SLC15A5: variants seen among roughly 807,000 people sequenced by gnomAD.
The protein encoded by SLC15A5 is Peptide/histidine transporter ENSP00000340402.
In SLC15A5, 58 loss-of-function variants were observed where a neutral mutation model predicts 56.1. That is an observed-to-expected ratio of 1.03 (90% CI 0.84 to 1.29). SLC15A5 has a LOEUF of 1.29. SLC15A5 is among the 50% of genes most tolerant of loss of function. The pLI, the probability that SLC15A5 is intolerant of heterozygous loss-of-function variation, is 0.00. For missense variants in SLC15A5, 681 were observed against 672.1 expected (o/e 1.01, Z -0.15); for synonymous variants, 264 against 250.5 (o/e 1.05, Z -0.51).
intron 2 of SLC15A5, among the ~76,000 whole-genome samples, chr12:16,258,994 T>TTC (rs1464961408): frequency 6.2e-5 from 9 of 145,498 alleles, no homozygotes; most frequent in Middle Eastern, 7.1e-3. Flanking sequence ...CTTTTTCTTT[T>TTC]TTTTTTTTTC....
intron 6 of SLC15A5, among the ~76,000 whole-genome samples, chr12:16,219,567 A>G (rs1291660769): frequency 6.6e-6 from 1 of 152,152 alleles, no homozygotes; most frequent in African/African-American, 2.4e-5. Context: ...CTGGTACGGT[A>G]TATAATTCAT....
chr12:16,229,647 T>TACACACACACACACACACACACAC (rs71438372), intron 5 of SLC15A5, among the ~76,000 whole-genome samples: 1 of 144,288 alleles, frequency 6.9e-6, no homozygotes, highest in Non-Finnish European at 1.5e-5. Flanking sequence ...CACACACACA[T>TACACACACACACACACACACACAC]ACACACACAC....
At position 16,259,024 on chromosome 12, in the gene SLC15A5, C is replaced by CTTTTT. The variant is rs5796661; in HGVS notation, c.585-1159_585-1155dup. Among the ~76,000 whole-genome samples the CTTTTT allele has an allele frequency of 1.3e-3, 84 of 63,230 alleles. 3 individuals carry two copies. The highest frequency in any genetic ancestry group is 5.6e-3 in the East Asian group (10 of 1,772). 41.5% of individuals were successfully genotyped at this position (63,230 alleles called of 152,430 possible). On this transcript the variant is annotated intron_variant, in intron 2 of 8. Coordinates refer to ENST00000344941, the MANE Select transcript of SLC15A5 (RefSeq NM_001170798.1). ...TTTTTCTTTTTCTTTTCTTTCTTTC[C>CTTTTT]TTTTTTTTTTTTTTTTTTTTTTTTT... is the stretch of plus-strand genomic sequence containing the variant.
At chr12:16,244,493 C>A (rs1002262249) in intron 4 of SLC15A5, 87 bp downstream of exon 4, 1 of 1,222,152 alleles carries the variant, frequency 8.2e-7, no homozygotes. Flanking sequence ...GGAAAGCGCT[C>A]GTTGGGGAGA....
rs775576789 is a variant in SLC15A5 at position 16,224,610 on chromosome 12, A to T, written c.1163-8T>A. 1 of 1,522,930 alleles carries T rather than the reference A, an allele frequency of 6.6e-7. No individual in the cohort carries two copies. The highest frequency in any genetic ancestry group is 8.8e-7 in the Non-Finnish European group (1 of 1,139,404). The allele number at this position is 1,522,930 out of a possible 1,614,324, so 94.3% of individuals were successfully genotyped here. ...CAAAAAGATTTCCAGCAACTGAAGGAAAATAATGCAAAAGAAAAAAAAGTT... is the reference window on the plus strand; with the variant it reads ...CAAAAAGATTTCCAGCAACTGAAGGTAAATAATGCAAAAGAAAAAAAAGTT... On this transcript the variant is annotated splice_polypyrimidine_tract_variant and splice_region_variant and intron_variant, in intron 5 of 8. Coordinates refer to ENST00000344941, the MANE Select transcript of SLC15A5 (RefSeq NM_001170798.1).
chr12:16,251,528 A>T (rs1864518512), intron 3 of SLC15A5, among the ~76,000 whole-genome samples: 1 of 151,902 alleles, frequency 6.6e-6, no homozygotes, highest in Non-Finnish European at 1.5e-5. Flanking sequence ...AATAAAAAGG[A>T]TTATAGAGGA....
chr12:16,215,193 A>C, intron 7 of SLC15A5, among the ~76,000 whole-genome samples: 1 of 108,640 alleles, frequency 9.2e-6, no homozygotes, highest in Non-Finnish European at 1.7e-5. Context: ...ACAGAGTGAG[A>C]CTCTTTCTCA....
At chr12:16,193,912 A>G (rs1217155935) in intron 8 of SLC15A5, among the ~76,000 whole-genome samples, 1 of 106,312 alleles carries the variant, frequency 9.4e-6, no homozygotes, top group African/African-American at 3.2e-5. Context: ...TGACAAGCTA[A>G]GGGATTTTGT....
intron 7 of SLC15A5, among the ~76,000 whole-genome samples, chr12:16,206,495 G>A (rs958733830): frequency 6.6e-6 from 1 of 152,054 alleles, no homozygotes; most frequent in African/African-American, 2.4e-5. Flanking sequence ...CCTAACCACT[G>A]TATTCTAACT....
intron 3 of SLC15A5, among the ~76,000 whole-genome samples, chr12:16,247,367 T>G (rs1864472581): frequency 6.6e-6 from 1 of 152,170 alleles, no homozygotes; most frequent in South Asian, 2.1e-4. Context: ...TTACAATCAT[T>G]GATTTATTCC....
chr12:16,264,488 A>G (rs1007730446), intron 2 of SLC15A5, among the ~76,000 whole-genome samples: 1 of 152,194 alleles, frequency 6.6e-6, no homozygotes, highest in Non-Finnish European at 1.5e-5. Context: ...CTTTTGAGTT[A>G]ATGCTGAAAT....
intron 5 of SLC15A5, among the ~76,000 whole-genome samples, chr12:16,226,674 G>C (rs757225462): frequency 6.6e-6 from 1 of 152,138 alleles, no homozygotes; most frequent in African/African-American, 2.4e-5. Flanking sequence ...AATTAGCTAA[G>C]TGAAGAGTGT....
intron 5 of SLC15A5, among the ~76,000 whole-genome samples, chr12:16,229,540 A>C (rs1358613594): frequency 1.3e-5 from 2 of 151,904 alleles, no homozygotes; most frequent in East Asian, 3.9e-4. Flanking sequence ...CATGTGTTTC[A>C]ATTACTTCAT....
chr12:16,219,158 G>C (rs953553011), intron 6 of SLC15A5, among the ~76,000 whole-genome samples: 1 of 152,104 alleles, frequency 6.6e-6, no homozygotes, highest in African/African-American at 2.4e-5. Flanking sequence ...TTAGTACAAA[G>C]GGCAGTGCTA....
chr12:16,234,048 T>C (rs1236069715), intron 5 of SLC15A5, among the ~76,000 whole-genome samples: 1 of 152,226 alleles, frequency 6.6e-6, no homozygotes, highest in Non-Finnish European at 1.5e-5. Flanking sequence ...AGAAATTTCT[T>C]TTCTCACAGT....
chr12:16,234,574 C>T (rs933654916), intron 5 of SLC15A5, among the ~76,000 whole-genome samples: 1 of 152,124 alleles, frequency 6.6e-6, no homozygotes, highest in Non-Finnish European at 1.5e-5. Context: ...TTTTAAACCT[C>T]TAGCAGATCT....
At chr12:16,253,707 AAAT>A (rs1291710379) in intron 3 of SLC15A5, among the ~76,000 whole-genome samples, 5 of 152,102 alleles carry the variant, frequency 3.3e-5, no homozygotes, top group East Asian at 1.9e-4. Flanking sequence ...CCTGTCTTTG[AAAT>A]AATAATAAGA....
intron 7 of SLC15A5, among the ~76,000 whole-genome samples, chr12:16,207,598 C>T (rs1565658153): frequency 6.6e-6 from 1 of 152,030 alleles, no homozygotes; most frequent in African/African-American, 2.4e-5. Flanking sequence ...GATCACTCTT[C>T]ATGATCACCA....
chr12:16,257,704 T>C lies in SLC15A5; in HGVS notation c.751A>G (p.Lys251Glu). The change falls in exon 3 of 9, where the codon AAA becomes GAA. Residue 251 changes from lysine to glutamate, a missense_variant. Transcript: ENST00000344941. ...IYYNLIYQSE[K>E]RCSLLTGVGV... Reference sequence around the variant, plus strand: ...ATGTAACGCATAATTTACTTACGTTTTTCTGACTGATAAATTAGGTTGTAG... The same window carrying C: ...ATGTAACGCATAATTTACTTACGTTCTTCTGACTGATAAATTAGGTTGTAG... 1 of 1,464,590 alleles carries C rather than the reference T, an allele frequency of 6.8e-7. No individual in the cohort carries two copies. The highest frequency in any genetic ancestry group is 8.9e-7 in the Non-Finnish European group (1 of 1,118,272). The allele number at this position is 1,464,590 out of a possible 1,614,324, so 90.7% of individuals were successfully genotyped here. A position where few individuals can be genotyped will look rare whatever the true frequency, so the allele number is the denominator to read the frequency against.
Sources: allele counts gnomAD v4.1 joint callset (sites outside exome capture counted in the v4.1 genomes callset), GRCh38; gene constraint gnomAD v4.1.1; transcripts MANE v1.5; gene names NCBI Gene and HGNC (gene_info 2026-07-23, HGNC 2026-07-21).